The following GNB1L variants were observed in gnomAD, a reference collection of about 807,000 sequenced individuals.
The protein encoded by GNB1L is G protein subunit beta 1 like, also known as guanine nucleotide-binding protein subunit beta-like protein 1.
In GNB1L, 20 loss-of-function variants were observed where a neutral mutation model predicts 29.1. The ratio of observed to expected loss-of-function variants is 0.69; its 90% confidence interval spans 0.48 to 1.00. The LOEUF is 1.00. Among genes scored for constraint, GNB1L ranks in the 50% least tolerant of loss-of-function variants. The probability of loss-of-function intolerance (pLI) is 0.00; values close to 1 mark genes in which losing one functional copy is unlikely to be tolerated. For synonymous variants in GNB1L, 193 were observed against 206.5 expected, an observed-to-expected ratio of 0.93 and a Z score of 0.56; for missense variants, 421 against 464.9, an observed-to-expected ratio of 0.91 and a Z score of 0.87.
intron 2 of GNB1L, among the ~76,000 whole-genome samples, chr22:19,833,739 G>A (rs939604986): frequency 2.6e-5 from 4 of 151,936 alleles, no homozygotes; most frequent in Admixed American, 2.6e-4. Flanking sequence ...GGTGGCGGGC[G>A]CCTGTAATCC....
Position 19,806,776 on chromosome 22 carries a change from G to A in GNB1L, c.418-19C>T, listed in dbSNP as rs772618260. The A allele has an allele frequency of 1.9e-6, 3 of 1,558,644 alleles. No individual in the cohort carries two copies. The Admixed American group carries it at 5.0e-5, about 26-fold the overall frequency. Reference sequence around the variant, plus strand: ...TCTGAACCTGACAGTAAGAAAACAAGTTGATTTGGGCCGTCGCCAAGTCGA... The same window carrying A: ...TCTGAACCTGACAGTAAGAAAACAAATTGATTTGGGCCGTCGCCAAGTCGA... On this transcript the variant is annotated intron_variant, in intron 5 of 7. Coordinates refer to ENST00000329517, the MANE Select transcript of GNB1L (RefSeq NM_053004.3).
chr22:19,801,175 C>A (rs1937366107), intron 7 of GNB1L, among the ~76,000 whole-genome samples: 1 of 152,204 alleles, frequency 6.6e-6, no homozygotes, highest in African/African-American at 2.4e-5. Context: ...AGGCCCTTCA[C>A]CCACTAGACT....
chr22:19,804,620 GA>G (rs568037494), intron 6 of GNB1L, among the ~76,000 whole-genome samples: 27 of 145,008 alleles, frequency 1.9e-4, no homozygotes, highest in Admixed American at 2.7e-4. Flanking sequence ...CAATGTTTCA[GA>G]AAAAAAAAAA....
intron 2 of GNB1L, among the ~76,000 whole-genome samples, chr22:19,845,567 T>C (rs1214340029): frequency 1.3e-5 from 2 of 152,192 alleles, no homozygotes; most frequent in African/African-American, 2.4e-5. Context: ...GCCCCAGCCC[T>C]GTGCTGGGGG....
In GNB1L at chr22:19,787,045, T is replaced by C. The variant is rs1283232224; in HGVS notation, c.*1664A>G. On this transcript the variant is annotated 3_prime_UTR_variant, in exon 8 of 8. Transcript: ENST00000329517. ...TTCCCGGCCAGCACTGACATTCCCG[T>C]TTGATGGAACGGTCCCCATGGTACC... 1 of 152,254 alleles carries C rather than the reference T, an allele frequency of 6.6e-6. No individual in the cohort carries two copies. Among genetic ancestry groups the C allele is most frequent in the Non-Finnish European group, 1.5e-5 (1 of 68,090 alleles). 9.4% of individuals were successfully genotyped at this position (152,254 alleles called of 1,614,324 possible).
intron 2 of GNB1L, among the ~76,000 whole-genome samples, chr22:19,843,930 C>T (rs569796490): frequency 1.4e-4 from 21 of 152,314 alleles, no homozygotes; most frequent in Admixed American, 1.4e-3. Flanking sequence ...CCACCCTGCT[C>T]CCCTAGGGTA....
At chr22:19,793,852 G>A (rs1193409729) in intron 7 of GNB1L, among the ~76,000 whole-genome samples, 1 of 152,166 alleles carries the variant, frequency 6.6e-6, no homozygotes, top group African/African-American at 2.4e-5. Flanking sequence ...AAAAGCTAGA[G>A]AATTTTTTGC....
intron 7 of GNB1L, among the ~76,000 whole-genome samples, chr22:19,801,086 G>A (rs192186051): frequency 2.4e-4 from 36 of 152,294 alleles, no homozygotes; most frequent in African/African-American, 7.0e-4. Context: ...GGGCAGCCCC[G>A]GGCCCTGTCC....
intron 3 of GNB1L, 103 bp from the exon 4 acceptor site, chr22:19,820,826 G>A (rs1937572541): frequency 7.2e-7 from 1 of 1,379,714 alleles, no homozygotes. Flanking sequence ...CATCTAGGCT[G>A]GTTGAGCTGA....
At chr22:19,826,369 A>C (rs1937619766) in intron 2 of GNB1L, among the ~76,000 whole-genome samples, 1 of 152,240 alleles carries the variant, frequency 6.6e-6, no homozygotes, top group South Asian at 2.1e-4. Context: ...CAAGGAATTC[A>C]CTTTAGAATA....
rs945436570 is a variant in GNB1L, at chr22:19,783,913, C to T, written c.*4796G>A. The T allele has an allele frequency of 6.6e-6, 1 of 152,336 alleles. No individual in the cohort carries two copies. Among genetic ancestry groups the T allele is most frequent in the Non-Finnish European group, 1.5e-5 (1 of 68,134 alleles). The allele number at this position is 152,336 out of a possible 1,614,324, so 9.4% of individuals were successfully genotyped here. A position where few individuals can be genotyped will look rare whatever the true frequency, so the allele number is the denominator to read the frequency against. ...ACAGAGTGACAGAGGGTCTCAAGGA[C>T]TCTCCACCCACAAGGCGGGAATGGG... On this transcript the variant is annotated 3_prime_UTR_variant, in exon 8 of 8. Transcript: ENST00000329517.
chr22:19,845,445 C>T (rs899362926), intron 2 of GNB1L, among the ~76,000 whole-genome samples: 2 of 152,212 alleles, frequency 1.3e-5, no homozygotes, highest in Non-Finnish European at 2.9e-5. Flanking sequence ...AGGTGGGCAG[C>T]GCAGGCACAG....
At chr22:19,825,829 G>T (rs1358511523) in intron 2 of GNB1L, among the ~76,000 whole-genome samples, 1 of 142,846 alleles carries the variant, frequency 7.0e-6, no homozygotes, top group African/African-American at 2.6e-5. Context: ...ATGGTGGTGG[G>T]TGCCTGTAAG....
At chr22:19,798,401 G>A (rs1177556059) in intron 7 of GNB1L, among the ~76,000 whole-genome samples, 1 of 151,258 alleles carries the variant, frequency 6.6e-6, no homozygotes, top group African/African-American at 2.5e-5. Context: ...CTAAGTCAGT[G>A]GTAGAGAGGG....
chr22:19,792,874 T>C, intron 7 of GNB1L: 1 of 1,139,166 alleles, frequency 8.8e-7, no homozygotes, highest in Non-Finnish European at 1.3e-6. Context: ...GGACGTCTAG[T>C]CCACAGGAAG....
chr22:19,789,321 C>T (rs550367626), intron 7 of GNB1L, among the ~76,000 whole-genome samples: 6 of 152,340 alleles, frequency 3.9e-5, no homozygotes, highest in Admixed American at 2.0e-4. Context: ...CGAGAGGCCA[C>T]GTCCCGGGCT....
At chr22:19,848,149 C>A in intron 2 of GNB1L, 1 of 985,314 alleles carries the variant, frequency 1.0e-6, no homozygotes, top group Non-Finnish European at 1.2e-6. Context: ...TTAAAGTTTT[C>A]CTTGCAGACA....
At chr22:19,852,291 G>A (rs373775400) in intron 2 of GNB1L, 15 of 1,573,918 alleles carry the variant, frequency 9.5e-6, no homozygotes, top group Non-Finnish European at 1.1e-5. Context: ...AGAGAGGAGA[G>A]CCAGCACTGG....
chr22:19,843,522 GTCAGTC>G (rs1937898398), intron 2 of GNB1L, among the ~76,000 whole-genome samples: 1 of 152,184 alleles, frequency 6.6e-6, no homozygotes, highest in Non-Finnish European at 1.5e-5. Flanking sequence ...GCTGACCGAT[GTCAGTC>G]TCTCTGTGGC....
Sources: allele counts gnomAD v4.1 joint callset (sites outside exome capture counted in the v4.1 genomes callset), GRCh38; gene constraint gnomAD v4.1.1; transcripts MANE v1.5; gene names NCBI Gene and HGNC (gene_info 2026-07-23, HGNC 2026-07-21).